The following TBC1D23 variants were observed in gnomAD, a reference collection of about 807,000 sequenced individuals.
The protein encoded by TBC1D23 is TBC1 domain family member 23, also known as HCV non-structural protein 4A-transactivated protein 1.
In TBC1D23, 55 loss-of-function variants were observed where a neutral mutation model predicts 91.4. That is an observed-to-expected ratio of 0.60 (90% CI 0.48 to 0.75). The LOEUF is 0.75. TBC1D23 is among the 30% of genes least tolerant of loss of function. TBC1D23 has a pLI of 0.00. For synonymous variants in TBC1D23, 289 were observed against 281.0 expected (o/e 1.03, Z -0.28); for missense variants, 725 against 836.1 (o/e 0.87, Z 1.64).
At chr3:100,315,896 A>T (rs538595529) in intron 15 of TBC1D23, 1 of 568,052 alleles carries the variant, frequency 1.8e-6, no homozygotes. Flanking sequence ...CCAAGGCCTT[A>T]TGCCACTTTT....
At chr3:100,312,318 A>G (rs934747714) in intron 15 of TBC1D23, among the ~76,000 whole-genome samples, 4 of 152,180 alleles carry the variant, frequency 2.6e-5, no homozygotes, top group African/African-American at 7.2e-5. Flanking sequence ...ATTTGTGTAC[A>G]TTATGTAATT....
chr3:100,292,534 G>A (rs909360601), intron 5 of TBC1D23, among the ~76,000 whole-genome samples: 6 of 152,028 alleles, frequency 3.9e-5, no homozygotes, highest in African/African-American at 1.4e-4. Flanking sequence ...TTCACTTCTG[G>A]GCTCATTAAA....
At chr3:100,300,352 T>C (rs1307206494) in intron 10 of TBC1D23, among the ~76,000 whole-genome samples, 2 of 152,168 alleles carry the variant, frequency 1.3e-5, no homozygotes, top group African/African-American at 4.8e-5. Context: ...CTAGGTAATA[T>C]TGAGGAAGAA....
At chr3:100,262,165 GATATAGTTTTTTTTT>G (rs2067516628) in intron 1 of TBC1D23, among the ~76,000 whole-genome samples, 3 of 152,176 alleles carry the variant, frequency 2.0e-5, no homozygotes, top group African/African-American at 7.2e-5. Context: ...TGGTGATCTA[GATATAGTTTTTTTTT>G]CTTCAACTTG....
intron 18 of TBC1D23, 111 bp from the exon 19 acceptor site, chr3:100,323,475 TC>T (rs895617530): frequency 2.5e-6 from 1 of 398,312 alleles, no homozygotes; most frequent in African/African-American, 2.1e-5. Flanking sequence ...AGGGAAAGCT[TC>T]CCATTGGAGG....
At chr3:100,279,404 C>T (rs748548182) in intron 1 of TBC1D23, 8 of 314,602 alleles carry the variant, frequency 2.5e-5, no homozygotes, top group Non-Finnish European at 4.1e-5. Context: ...GCCCCATCTC[C>T]TCTTTAAATT....
At chr3:100,302,990 A>G (rs573448545) in intron 11 of TBC1D23, among the ~76,000 whole-genome samples, 2 of 152,366 alleles carry the variant, frequency 1.3e-5, no homozygotes, top group Admixed American at 1.3e-4. Flanking sequence ...ATAAATACAT[A>G]TGCATATTCA....
At chr3:100,264,148 A>G (rs1468143949) in intron 1 of TBC1D23, among the ~76,000 whole-genome samples, 1 of 152,096 alleles carries the variant, frequency 6.6e-6, no homozygotes, top group Non-Finnish European at 1.5e-5. Flanking sequence ...GGGTTATAGA[A>G]TGGGGATGCT....
chr3:100,285,459 G>A (rs992247673), intron 4 of TBC1D23, among the ~76,000 whole-genome samples: 11 of 151,942 alleles, frequency 7.2e-5, no homozygotes, highest in Admixed American at 4.6e-4. Flanking sequence ...TGCGTATACC[G>A]CATTTTATTT....
At chr3:100,306,014 A>G (rs1201661671) in intron 12 of TBC1D23, among the ~76,000 whole-genome samples, 4 of 152,216 alleles carry the variant, frequency 2.6e-5, no homozygotes, top group Admixed American at 2.6e-4. Flanking sequence ...CGTAACTGTT[A>G]ATGGCTAACA....
chr3:100,277,827 G>C (rs2067663040), intron 1 of TBC1D23, among the ~76,000 whole-genome samples: 3 of 152,150 alleles, frequency 2.0e-5, no homozygotes, highest in Admixed American at 2.0e-4. Flanking sequence ...ATAAACCCCA[G>C]TTTTTATCAG....
chr3:100,295,079 G>C lies in TBC1D23; in HGVS notation c.601-8G>C, dbSNP rs1419841271. ...GTTTATGTCTCTCATTTCATTTCCTGATTACAGCTTGGAAGTCTTTTTGCA... is the reference window on the plus strand; with the variant it reads ...GTTTATGTCTCTCATTTCATTTCCTCATTACAGCTTGGAAGTCTTTTTGCA... On this transcript the variant is annotated splice_region_variant and splice_polypyrimidine_tract_variant and intron_variant, in intron 5 of 18. Transcript: ENST00000394144. 1 of 1,568,034 alleles carries C rather than the reference G, an allele frequency of 6.4e-7. No homozygotes were observed. The highest frequency in any genetic ancestry group is 1.4e-5 in the African/African-American group (1 of 72,562).
At chr3:100,273,968 G>A (rs2171205) in intron 1 of TBC1D23, among the ~76,000 whole-genome samples, 39,205 of 151,942 alleles carry the variant, frequency 0.26, 5,453 homozygotes, top group Non-Finnish European at 0.31. Flanking sequence ...AAATATAGAT[G>A]TCTATATGTA....
At chr3:100,271,550 C>A (rs2067599676) in intron 1 of TBC1D23, among the ~76,000 whole-genome samples, 1 of 152,084 alleles carries the variant, frequency 6.6e-6, no homozygotes. Context: ...ACGTAAGTCT[C>A]CTGTGGATAC....
chr3:100,289,306 G>GT (rs1330103199), intron 4 of TBC1D23, among the ~76,000 whole-genome samples: 1 of 152,152 alleles, frequency 6.6e-6, no homozygotes, highest in Non-Finnish European at 1.5e-5. Flanking sequence ...TCTTTTAAGA[G>GT]TTTTTTTCCA....
chr3:100,281,753 T>A lies in TBC1D23; in HGVS notation c.177T>A (p.Asn59Lys). Residue 59 changes from asparagine (N) to lysine (K), a missense_variant, in exon 3 of 19, where the codon AAT (asparagine) becomes AAA (lysine). Transcript: ENST00000394144. The part of the protein sequence containing the change: ...LRAKVWKIAL[N>K]VAGKGDSLAS... The stretch of plus-strand genomic sequence containing the variant: ...AATCTTTCTTCCAGATTGCTCTGAA[T>A]GTTGCAGGAAAAGGTGATAGTTTGG... The A allele has an allele frequency of 6.2e-7, 1 of 1,610,516 alleles. No homozygotes were observed. Among genetic ancestry groups the A allele is most frequent in the Non-Finnish European group, 8.5e-7 (1 of 1,177,062 alleles).
At chr3:100,280,130 C>T (rs756440629) in intron 2 of TBC1D23, among the ~76,000 whole-genome samples, 4 of 151,530 alleles carry the variant, frequency 2.6e-5, no homozygotes, top group Admixed American at 6.6e-5. Context: ...ACCAAGAGGC[C>T]GAGGCAAGAG....
intron 15 of TBC1D23, 28 bp downstream of exon 15, chr3:100,311,905 T>C: frequency 2.0e-6 from 3 of 1,489,328 alleles, no homozygotes; most frequent in Non-Finnish European, 9.1e-7. Flanking sequence ...GCATTTTTCT[T>C]GAACCATCCT....
intron 15 of TBC1D23, among the ~76,000 whole-genome samples, chr3:100,312,447 T>C (rs931845812): frequency 6.6e-6 from 1 of 152,132 alleles, no homozygotes; most frequent in Non-Finnish European, 1.5e-5. Context: ...TGAAAAAAAA[T>C]TACATTTTTT....
Sources: gnomAD v4.1 joint callset for allele counts (sites outside exome capture counted in the v4.1 genomes callset) on GRCh38, gnomAD v4.1.1 for gene constraint, MANE v1.5 for transcripts, NCBI Gene and HGNC (gene_info 2026-07-23, HGNC 2026-07-21) for gene names.